The following MBTPS1 variants were observed in gnomAD, a reference collection of about 807,000 sequenced individuals.
The protein encoded by MBTPS1 is membrane bound transcription factor peptidase, site 1, also known as membrane-bound transcription factor site-1 protease.
MBTPS1 carries 94 observed loss-of-function variants against 127.8 expected under a neutral mutation model. The ratio of observed to expected loss-of-function variants is 0.74; its 90% CI spans 0.62 to 0.87. The LOEUF is 0.87. MBTPS1 is among the 40% of genes least tolerant of loss of function. The probability of loss-of-function intolerance (pLI) is 0.00; values close to 1 mark genes in which losing one functional copy is unlikely to be tolerated. For synonymous variants in MBTPS1, 632 were observed against 509.4 expected, an observed-to-expected ratio of 1.24 and a Z score of -3.24; for missense variants, 1,636 against 1,353.2, an observed-to-expected ratio of 1.21 and a Z score of -3.28.
Position 84,056,077 on chromosome 16 carries a change from TG to T in MBTPS1, c.2889del (p.Asn964ThrfsTer9). On this transcript the variant is annotated frameshift_variant, in exon 22 of 23. Transcript: ENST00000343411. LOFTEE classifies it high-confidence loss of function. Reference protein sequence around the residue: ...LSIDLDKVVLPNFRSNRPQVR... With the variant: ...LSIDLDKVVLXNFRSNRPQVR... Reference sequence around the variant, plus strand: ...ACTTGAGGGCGATTCGATCGAAAGTTGGGTAACACCACCTTGTCCAGGTCAA... The same window carrying T: ...ACTTGAGGGCGATTCGATCGAAAGTTGGTAACACCACCTTGTCCAGGTCAA... The T allele has an allele frequency of 1.9e-6, 3 of 1,614,154 alleles. No individual in the cohort carries two copies. The highest frequency in any genetic ancestry group is 2.5e-6 in the Non-Finnish European group (3 of 1,179,986).
At chr16:84,093,970 T>C (rs1156660092) in intron 4 of MBTPS1, 149 bp from the exon 5 acceptor site, 2 of 648,888 alleles carry the variant, frequency 3.1e-6, no homozygotes, top group African/African-American at 1.8e-5. Context: ...TTAGGTCAGC[T>C]GCTCCCAGGG....
chr16:84,114,363 C>G (rs1426202473), intron 1 of MBTPS1, among the ~76,000 whole-genome samples: 2 of 152,146 alleles, frequency 1.3e-5, no homozygotes, highest in East Asian at 1.9e-4. Context: ...AAAAATTCAT[C>G]CCAATGTATC....
At position 84,093,446 on chromosome 16, in the gene MBTPS1, G is replaced by A. The variant is rs183325731; in HGVS notation, c.737-149C>T. On this transcript the variant is annotated intron_variant, in intron 5 of 22. Coordinates refer to ENST00000343411, the MANE Select transcript of MBTPS1 (RefSeq NM_003791.4). ...CTGCTGCTCTACGATCCCCTTAGAC[G>A]TCACTGGCACAAGCACCCCTTCCAG... The A allele has an allele frequency of 2.1e-4, 139 of 659,402 alleles. 1 individual carries two copies. Among genetic ancestry groups the A allele is most frequent in the Admixed American group, 1.7e-4 (7 of 40,738 alleles). 40.8% of individuals were successfully genotyped at this position (659,402 alleles called of 1,614,324 possible).
rs925564402 is a variant in MBTPS1 at position 84,054,108 on chromosome 16, G to C, written c.*341C>G. The C allele has an allele frequency of 5.1e-6, 1 of 197,620 alleles. No individual in the cohort carries two copies. The highest frequency in any genetic ancestry group is 2.3e-5 in the African/African-American group (1 of 43,276). 12.2% of individuals were successfully genotyped at this position (197,620 alleles called of 1,614,324 possible). A position where few individuals can be genotyped will look rare whatever the true frequency, so the allele number is the denominator to read the frequency against. On this transcript the variant is annotated 3_prime_UTR_variant, in exon 23 of 23. Transcript: ENST00000343411. ...AACAAGCGTCTTTTAGCTTGGTCAG[G>C]GTTGTATCATTTGTTTGGAAAGTAC... is the stretch of plus-strand genomic sequence containing the variant.
chr16:84,095,831 G>GA (rs2086172138), intron 3 of MBTPS1, 26 bp from the exon 4 acceptor site: 1 of 1,595,266 alleles, frequency 6.3e-7, no homozygotes, highest in Non-Finnish European at 8.6e-7. Context: ...AGAAAGATCA[G>GA]AACAGAAGAG....
chr16:84,068,475 G>A (rs2085723357), intron 14 of MBTPS1, 21 bp from the exon 15 acceptor site: 2 of 1,486,892 alleles, frequency 1.3e-6, no homozygotes, highest in Non-Finnish European at 9.4e-7. Flanking sequence ...ATAGGCCACA[G>A]CATTAAAATG....
chr16:84,097,286 A>G (rs1267620214), intron 3 of MBTPS1, among the ~76,000 whole-genome samples: 2 of 152,232 alleles, frequency 1.3e-5, no homozygotes, highest in Non-Finnish European at 2.9e-5. Flanking sequence ...GGTTACTTAC[A>G]ACATCTTGAA....
chr16:84,090,830 A>T, intron 8 of MBTPS1, 45 bp downstream of exon 8: 1 of 1,382,172 alleles, frequency 7.2e-7, no homozygotes, highest in Non-Finnish European at 1.0e-6. Context: ...TCAGTTATTT[A>T]AGGGGGAAAA....
chr16:84,106,266 G>A (rs2086322531), intron 1 of MBTPS1, among the ~76,000 whole-genome samples: 1 of 152,114 alleles, frequency 6.6e-6, no homozygotes, highest in South Asian at 2.1e-4. Flanking sequence ...CTACACTCCA[G>A]CCTGGGCAAC....
At chr16:84,080,783 G>T (rs1210132344) in intron 11 of MBTPS1, among the ~76,000 whole-genome samples, 2 of 152,234 alleles carry the variant, frequency 1.3e-5, no homozygotes, top group Non-Finnish European at 2.9e-5. Context: ...TGTCAGATCA[G>T]CACTGCAGTT....
intron 1 of MBTPS1, among the ~76,000 whole-genome samples, chr16:84,104,297 G>A (rs1189879617): frequency 6.6e-6 from 1 of 151,678 alleles, no homozygotes; most frequent in African/African-American, 2.4e-5. Flanking sequence ...CCTGGGCAAC[G>A]TGGAGAAACC....
In MBTPS1 at chr16:84,081,793, G is replaced by A; in HGVS notation, c.1402C>T (p.Leu468=). ...MFEQGHGKLD[L]LRAYQILNSY... Reference sequence around the variant, plus strand: ...TTGAGGATCTGATAGGCTCTGAGCAGATCGAGCTTGCCGTGGCCTTGCTCA... The same window carrying A: ...TTGAGGATCTGATAGGCTCTGAGCAAATCGAGCTTGCCGTGGCCTTGCTCA... Residue 468 remains leucine (L), a synonymous_variant, in exon 11 of 23, where the codon CTG becomes TTG. Coordinates refer to ENST00000343411, the MANE Select transcript of MBTPS1 (RefSeq NM_003791.4). 2.6e-6 allele frequency: 4 copies of A among 1,522,774 alleles called. No individual in the cohort carries two copies. The highest frequency in any genetic ancestry group is 3.5e-6 in the Non-Finnish European group (4 of 1,133,250). The allele number at this position is 1,522,774 out of a possible 1,614,324, so 94.3% of individuals were successfully genotyped here. A position where few individuals can be genotyped will look rare whatever the true frequency, so the allele number is the denominator to read the frequency against.
At chr16:84,113,491 A>G (rs1295284246) in intron 1 of MBTPS1, among the ~76,000 whole-genome samples, 1 of 152,268 alleles carries the variant, frequency 6.6e-6, no homozygotes, top group Non-Finnish European at 1.5e-5. Flanking sequence ...ATGGGATTTG[A>G]GTAGAAGGGA....
At chr16:84,095,297 A>C (rs1243504737) in intron 4 of MBTPS1, among the ~76,000 whole-genome samples, 1 of 152,222 alleles carries the variant, frequency 6.6e-6, no homozygotes, top group Non-Finnish European at 1.5e-5. Flanking sequence ...TGTCAATAGG[A>C]GAGAAGTGCT....
At chr16:84,076,787 T>C (rs1470475969) in intron 11 of MBTPS1, among the ~76,000 whole-genome samples, 1 of 152,240 alleles carries the variant, frequency 6.6e-6, no homozygotes, top group Non-Finnish European at 1.5e-5. Context: ...CCTTTGCTCT[T>C]AGACAAAATA....
chr16:84,083,343 C>A (rs963392482), intron 10 of MBTPS1, among the ~76,000 whole-genome samples: 1 of 152,196 alleles, frequency 6.6e-6, no homozygotes, highest in African/African-American at 2.4e-5. Context: ...GTGTTTCCAG[C>A]AAGCACATGG....
chr16:84,066,473 G>A lies in MBTPS1; in HGVS notation c.2353+16C>T. The A allele has an allele frequency of 6.2e-7, 1 of 1,613,428 alleles. No individual in the cohort carries two copies. The highest frequency in any genetic ancestry group is 8.5e-7 in the Non-Finnish European group (1 of 1,179,632). Reference sequence around the variant, plus strand: ...TCTCACACCTAAGACCACGCCCTCAGGAAACAGAGCCTTACTGTCATGGTT... The same window carrying A: ...TCTCACACCTAAGACCACGCCCTCAAGAAACAGAGCCTTACTGTCATGGTT... On this transcript the variant is annotated intron_variant, in intron 17 of 22. Coordinates refer to ENST00000343411, the MANE Select transcript of MBTPS1 (RefSeq NM_003791.4).
chr16:84,093,308 T>C lies in MBTPS1; in HGVS notation c.737-11A>G, dbSNP rs912144751. ...TGCCATGGCCCAACCCTGCAGTCCATAAAGAAAACAATCCCATAAAACACA... is the reference window on the plus strand; with the variant it reads ...TGCCATGGCCCAACCCTGCAGTCCACAAAGAAAACAATCCCATAAAACACA... On this transcript the variant is annotated splice_polypyrimidine_tract_variant and intron_variant, in intron 5 of 22. Transcript: ENST00000343411. The C allele has an allele frequency of 6.4e-7, 1 of 1,568,076 alleles. No individual in the cohort carries two copies. Among genetic ancestry groups the C allele is most frequent in the Non-Finnish European group, 8.8e-7 (1 of 1,138,058 alleles).
At chr16:84,081,049 G>A (rs1184127214) in intron 11 of MBTPS1, among the ~76,000 whole-genome samples, 1 of 152,210 alleles carries the variant, frequency 6.6e-6, no homozygotes, top group African/African-American at 2.4e-5. Flanking sequence ...CCAGAGAATG[G>A]ACCTGTGGGA....
Sources: allele counts gnomAD v4.1 joint callset (sites outside exome capture counted in the v4.1 genomes callset), GRCh38; gene constraint gnomAD v4.1.1; transcripts MANE v1.5; gene names NCBI Gene and HGNC (gene_info 2026-07-23, HGNC 2026-07-21).